LIPC: variants seen among roughly 807,000 people sequenced by gnomAD.
The protein encoded by LIPC is hepatic triacylglycerol lipase.
LIPC carries 44 observed loss-of-function variants against 50.7 expected under a neutral mutation model. The ratio of observed to expected loss-of-function variants is 0.87; its 90% CI spans 0.68 to 1.11. LIPC has a LOEUF of 1.11. LIPC is among the 50% of genes most tolerant of loss of function. LIPC has a pLI of 0.00. For synonymous variants in LIPC, 271 were observed against 256.4 expected (o/e 1.06, Z -0.54); for missense variants, 697 against 648.2 (o/e 1.08, Z -0.82).
chr15:58,502,956 T>TA (rs11449666), intron 1 of LIPC, among the ~76,000 whole-genome samples: 128,630 of 140,590 alleles, frequency 0.91, 59,409 homozygotes, highest in East Asian at 0.99. Context: ...AAACATTGTT[T>TA]AAAAAAAAAA....
At chr15:58,547,299 A>G (rs1465629634) in intron 5 of LIPC, among the ~76,000 whole-genome samples, 1 of 152,126 alleles carries the variant, frequency 6.6e-6, no homozygotes, top group Non-Finnish European at 1.5e-5. Flanking sequence ...TCCTGGGTGG[A>G]TGAGCTTGGG....
intron 1 of LIPC, among the ~76,000 whole-genome samples, chr15:58,501,459 A>G (rs1320637258): frequency 6.6e-6 from 1 of 151,916 alleles, no homozygotes; most frequent in Non-Finnish European, 1.5e-5. Context: ...AAAATGACAA[A>G]GAATTTAGAA....
intron 1 of LIPC, among the ~76,000 whole-genome samples, chr15:58,476,596 C>T (rs1271866893): frequency 2.0e-5 from 3 of 152,230 alleles, no homozygotes; most frequent in African/African-American, 4.8e-5. Context: ...AGCCCACCAG[C>T]AGTGTGGACC....
Position 58,515,533 on chromosome 15 carries a change from C to CACATATATATATATATATATATATAT in LIPC, c.89-22799_89-22798insCATATATATATATATATATATATATA, listed in dbSNP as rs147594972. On this transcript the variant is annotated intron_variant, in intron 1 of 8. Transcript: ENST00000299022. Reference sequence around the variant, plus strand: ...AAAGAGGTCTTTGCATATACACACACATATATATATATATATATATCTCAA... The same window carrying CACATATATATATATATATATATATAT: ...AAAGAGGTCTTTGCATATACACACACACATATATATATATATATATATATATATATATATATATATATATATCTCAA... 1.5e-3 allele frequency among the ~76,000 whole-genome samples: 206 copies of CACATATATATATATATATATATATAT among 141,564 alleles called. 1 individual carries two copies. Among genetic ancestry groups the CACATATATATATATATATATATATAT allele is most frequent in the African/African-American group, 4.9e-3 (182 of 36,776 alleles). The allele number at this position is 141,564 out of a possible 152,430, so 92.9% of individuals were successfully genotyped here.
At chr15:58,468,144 A>C (rs951565873) in intron 1 of LIPC, among the ~76,000 whole-genome samples, 4 of 152,202 alleles carry the variant, frequency 2.6e-5, no homozygotes, top group African/African-American at 9.7e-5. Context: ...ATTACCCCAG[A>C]TTATAGATAA....
At chr15:58,547,709 C>G (rs1893585824) in intron 5 of LIPC, among the ~76,000 whole-genome samples, 1 of 151,892 alleles carries the variant, frequency 6.6e-6, no homozygotes. Context: ...CTGTCCAGAT[C>G]TGGTTACTGG....
intron 8 of LIPC, among the ~76,000 whole-genome samples, chr15:58,568,273 T>A (rs1303548437): frequency 6.6e-6 from 1 of 152,186 alleles, no homozygotes; most frequent in African/African-American, 2.4e-5. Flanking sequence ...GCCAAGGACC[T>A]TTAAGAACAG....
chr15:58,564,448 C>T (rs1894288826), intron 8 of LIPC, among the ~76,000 whole-genome samples: 1 of 150,986 alleles, frequency 6.6e-6, no homozygotes, highest in Non-Finnish European at 1.5e-5. Flanking sequence ...AAGGACAGGG[C>T]TGGGCGTGGT....
chr15:58,565,370 C>T lies in LIPC; in HGVS notation c.1388+1647C>T. 6 of 1,513,564 alleles carry T rather than the reference C, an allele frequency of 4.0e-6. 1 individual carries two copies. In the South Asian group the frequency reaches 7.4e-5, roughly 19 times the overall value. The allele number at this position is 1,513,564 out of a possible 1,614,324, so 93.8% of individuals were successfully genotyped here. On this transcript the variant is annotated intron_variant, in intron 8 of 8. Transcript: ENST00000299022. ...ACCCTGACAATCCCATGTGGCTTGA[C>T]CTGAAAGGGTGGCTAAAGCACAACA... is the stretch of plus-strand genomic sequence containing the variant.
intron 1 of LIPC, among the ~76,000 whole-genome samples, chr15:58,498,448 G>A (rs1286512701): frequency 6.6e-6 from 1 of 152,126 alleles, no homozygotes; most frequent in African/African-American, 2.4e-5. Context: ...GTATCTTGAG[G>A]TGGGTGATGA....
intron 1 of LIPC, among the ~76,000 whole-genome samples, chr15:58,456,575 G>A (rs1894123390): frequency 1.3e-5 from 2 of 152,230 alleles, no homozygotes; most frequent in African/African-American, 4.8e-5. Flanking sequence ...GACTAGGGGT[G>A]TCACTCCCTC....
chr15:58,500,468 C>T (rs1313045698), intron 1 of LIPC, among the ~76,000 whole-genome samples: 1 of 152,192 alleles, frequency 6.6e-6, no homozygotes, highest in East Asian at 1.9e-4. Flanking sequence ...TGCCATTTAA[C>T]CAGCACAAAA....
intron 6 of LIPC, among the ~76,000 whole-genome samples, chr15:58,550,456 G>A (rs1467041764): frequency 6.6e-6 from 1 of 152,126 alleles, no homozygotes; most frequent in Non-Finnish European, 1.5e-5. Context: ...CCCACTGCCC[G>A]ACCACCATAC....
At chr15:58,529,596 T>C (rs1354424287) in intron 1 of LIPC, among the ~76,000 whole-genome samples, 2 of 152,258 alleles carry the variant, frequency 1.3e-5, no homozygotes, top group Non-Finnish European at 2.9e-5. Flanking sequence ...CTTGTGCCGA[T>C]CAGAGGCCTT....
rs550122644 is a variant in LIPC, at chr15:58,528,704, T to C, written c.89-9629T>C. Among the ~76,000 whole-genome samples the C allele has an allele frequency of 4.3e-4, 65 of 152,178 alleles. 1 individual carries two copies. The highest frequency in any genetic ancestry group is 9.0e-4 in the Non-Finnish European group (61 of 68,034). Reference sequence around the variant, plus strand: ...GCTCCTAACCGCTTCTGCTGTGCAGTAACAAGCCACGCTCAGGGCATGGGC... The same window carrying C: ...GCTCCTAACCGCTTCTGCTGTGCAGCAACAAGCCACGCTCAGGGCATGGGC... On this transcript the variant is annotated intron_variant, in intron 1 of 8. Transcript: ENST00000299022.
intron 1 of LIPC, among the ~76,000 whole-genome samples, chr15:58,460,320 C>G (rs1454450206): frequency 6.6e-6 from 1 of 152,198 alleles, no homozygotes; most frequent in Non-Finnish European, 1.5e-5. Context: ...AAGTGGAGAA[C>G]AGCTCATGGT....
At chr15:58,539,448 G>T (rs1893250223) in intron 2 of LIPC, among the ~76,000 whole-genome samples, 1 of 152,128 alleles carries the variant, frequency 6.6e-6, no homozygotes, top group Non-Finnish European at 1.5e-5. Context: ...AGGAGAGAAA[G>T]GATATTATTG....
chr15:58,449,336 A>C (rs574066167), intron 1 of LIPC, among the ~76,000 whole-genome samples: 6 of 152,238 alleles, frequency 3.9e-5, no homozygotes, highest in Admixed American at 6.5e-5. Context: ...GCAGAGGTGC[A>C]TCTCTCTCCT....
At chr15:58,462,064 C>T (rs1472055643) in intron 1 of LIPC, among the ~76,000 whole-genome samples, 1 of 152,194 alleles carries the variant, frequency 6.6e-6, no homozygotes, top group Non-Finnish European at 1.5e-5. Context: ...AATGTCTGTA[C>T]CCCTCTGTGT....
Sources: allele counts gnomAD v4.1 joint callset (sites outside exome capture counted in the v4.1 genomes callset), GRCh38; gene constraint gnomAD v4.1.1; transcripts MANE v1.5; gene names NCBI Gene and HGNC (gene_info 2026-07-23, HGNC 2026-07-21).